Variants in CCNJL observed in about 807,000 individuals in gnomAD.
CCNJL encodes the protein cyclin-J-like protein.
CCNJL carries 33 observed loss-of-function variants against 33.4 expected under a neutral mutation model. That is an observed-to-expected ratio of 0.99 (90% CI 0.75 to 1.32). The LOEUF is 1.32. Ranked by LOEUF, CCNJL falls within the 40% of genes most tolerant of loss-of-function variation. The pLI, the probability that CCNJL is intolerant of heterozygous loss-of-function variation, is 0.00. For missense variants in CCNJL, 512 were observed against 499.7 expected (o/e 1.02, Z -0.23); for synonymous variants, 227 against 220.9 (o/e 1.03, Z -0.24).
chr5:160,333,124 ATT>A (rs1013125021), intron 1 of CCNJL, among the ~76,000 whole-genome samples: 14 of 143,282 alleles, frequency 9.8e-5, no homozygotes, highest in South Asian at 2.2e-4. Context: ...GTCTCTACAA[ATT>A]TTTTTTTTTT....
chr5:160,263,292 G>A (rs1173689951), intron 3 of CCNJL, among the ~76,000 whole-genome samples: 1 of 152,174 alleles, frequency 6.6e-6, no homozygotes, highest in Non-Finnish European at 1.5e-5. Flanking sequence ...GCATTTCTAA[G>A]ACATGAACAT....
intron 5 of CCNJL, chr5:160,255,305 T>G: frequency 3.4e-6 from 1 of 290,424 alleles, no homozygotes; most frequent in East Asian, 6.0e-5. Flanking sequence ...AGAGCGAGAC[T>G]CTGTCTCAAA....
chr5:160,258,341 T>A (rs1431456299), intron 4 of CCNJL: 1 of 765,130 alleles, frequency 1.3e-6, no homozygotes, highest in Non-Finnish European at 2.4e-6. Context: ...TTCAATAAAC[T>A]GGGGTTAATG....
intron 2 of CCNJL, among the ~76,000 whole-genome samples, chr5:160,311,586 C>G (rs2113459469): frequency 6.6e-6 from 1 of 152,272 alleles, no homozygotes; most frequent in South Asian, 2.1e-4. Flanking sequence ...CTATAGGAAA[C>G]ACTGCCTTAG....
chr5:160,329,111 C>T (rs1561814989), intron 1 of CCNJL, among the ~76,000 whole-genome samples: 1 of 152,128 alleles, frequency 6.6e-6, no homozygotes, highest in Non-Finnish European at 1.5e-5. Context: ...AGGAGCCAAG[C>T]CACAGTCCTG....
chr5:160,332,049 C>G (rs745836929), intron 1 of CCNJL, among the ~76,000 whole-genome samples: 1 of 152,128 alleles, frequency 6.6e-6, no homozygotes, highest in Non-Finnish European at 1.5e-5. Context: ...GTTTCCCCTC[C>G]CTCTCTCCAA....
At chr5:160,256,783 T>C (rs1401121966) in intron 4 of CCNJL, among the ~76,000 whole-genome samples, 1 of 151,696 alleles carries the variant, frequency 6.6e-6, no homozygotes, top group Non-Finnish European at 1.5e-5. Flanking sequence ...CCACGCGTGG[T>C]GGTGGGCGCC....
intron 2 of CCNJL, among the ~76,000 whole-genome samples, chr5:160,303,367 A>G (rs991132040): frequency 6.6e-6 from 1 of 152,000 alleles, no homozygotes; most frequent in Non-Finnish European, 1.5e-5. Flanking sequence ...CACCATACCC[A>G]GCTAATTTTT....
intron 2 of CCNJL, among the ~76,000 whole-genome samples, chr5:160,307,220 C>G (rs1301943002): frequency 6.6e-6 from 1 of 152,206 alleles, no homozygotes; most frequent in Admixed American, 6.5e-5. Context: ...TGAGGTCCCT[C>G]TCTGACTCAG....
At chr5:160,295,884 A>G (rs2113406389) in intron 2 of CCNJL, among the ~76,000 whole-genome samples, 1 of 152,314 alleles carries the variant, frequency 6.6e-6, no homozygotes, top group Non-Finnish European at 1.5e-5. Context: ...CAGTAGCCCT[A>G]GGGACCTAAT....
intron 1 of CCNJL, among the ~76,000 whole-genome samples, chr5:160,335,120 A>G (rs1763666723): frequency 6.6e-6 from 1 of 152,172 alleles, no homozygotes; most frequent in Non-Finnish European, 1.5e-5. Flanking sequence ...GCAATTAGTC[A>G]GGTGTGGTGG....
intron 2 of CCNJL, among the ~76,000 whole-genome samples, chr5:160,301,434 T>C (rs1003658723): frequency 8.0e-5 from 12 of 149,788 alleles, no homozygotes; most frequent in African/African-American, 2.2e-4. Context: ...CAATGGCCTA[T>C]GTCTTTTTTT....
chr5:160,283,689 G>A (rs1439013293), intron 2 of CCNJL, among the ~76,000 whole-genome samples: 3 of 152,016 alleles, frequency 2.0e-5, no homozygotes, highest in Non-Finnish European at 2.9e-5. Flanking sequence ...TATTCACCCC[G>A]TTGTGCAATA....
intron 3 of CCNJL, among the ~76,000 whole-genome samples, chr5:160,264,063 A>G (rs1761466083): frequency 6.6e-6 from 1 of 150,710 alleles, no homozygotes; most frequent in Non-Finnish European, 1.5e-5. Flanking sequence ...CTCCCACCTC[A>G]GCCTCCTGAG....
At chr5:160,277,779 CTT>C (rs1398565499) in intron 3 of CCNJL, among the ~76,000 whole-genome samples, 23 of 136,616 alleles carry the variant, frequency 1.7e-4, no homozygotes, top group African/African-American at 5.5e-4. Context: ...GAGTTTTGCT[CTT>C]GTTGCCCAGC....
At chr5:160,316,939 A>G (rs970268305), upstream of CCNJL, among the ~76,000 whole-genome samples, 1 of 152,230 alleles carries the variant, frequency 6.6e-6, no homozygotes, top group Non-Finnish European at 1.5e-5. Flanking sequence ...AGGGTCAAGC[A>G]TATAAATTCC....
At chr5:160,318,684 G>A (rs1027341132) in intron 1 of CCNJL, among the ~76,000 whole-genome samples, 6 of 152,228 alleles carry the variant, frequency 3.9e-5, no homozygotes, top group African/African-American at 9.6e-5. Flanking sequence ...AAGGTAGAGC[G>A]TGTTGATTGG....
intron 3 of CCNJL, among the ~76,000 whole-genome samples, chr5:160,268,894 T>C (rs181265907): frequency 7.2e-5 from 11 of 152,044 alleles, no homozygotes; most frequent in African/African-American, 2.4e-4. Flanking sequence ...AAGAAAAAGC[T>C]CTCTTCTTCT....
At chr5:160,326,149 C>T (rs986764278) in intron 1 of CCNJL, among the ~76,000 whole-genome samples, 1 of 152,106 alleles carries the variant, frequency 6.6e-6, no homozygotes, top group East Asian at 1.9e-4. Context: ...TCTTCTTAAT[C>T]CTCTTGATCA....
Sources: allele counts gnomAD v4.1 joint callset (sites outside exome capture counted in the v4.1 genomes callset), GRCh38; gene constraint gnomAD v4.1.1; transcripts MANE v1.5; gene names NCBI Gene and HGNC (gene_info 2026-07-23, HGNC 2026-07-21).